Variants in PC observed in about 807,000 individuals in gnomAD.
PC encodes the protein pyruvate carboxylase, also known as pyruvate carboxylase, mitochondrial.
Under a neutral mutation model 107.8 loss-of-function variants are expected in PC, and 46 were observed. The observed-to-expected ratio is 0.43, with a 90% confidence interval of 0.34 to 0.55. PC has a LOEUF of 0.55. Ranked by LOEUF, PC falls within the 20% of genes least tolerant of loss-of-function variation. PC has a pLI of 0.04. For missense variants in PC, 1,241 were observed against 1,643.1 expected (o/e 0.76, Z 4.23); for synonymous variants, 662 against 684.7 (o/e 0.97, Z 0.52).
intron 3 of PC, among the ~76,000 whole-genome samples, chr11:66,925,258 C>T (rs948704275): frequency 3.3e-5 from 5 of 152,026 alleles, no homozygotes; most frequent in East Asian, 1.9e-4. Flanking sequence ...ATTTATTAGG[C>T]GGGAATTTCC....
intron 12 of PC, chr11:66,859,492 C>A (rs2135874851): frequency 6.8e-7 from 1 of 1,472,056 alleles, no homozygotes; most frequent in East Asian, 2.3e-5. Context: ...GCCACACTCT[C>A]CAGCCTGTTC....
At chr11:66,900,417 C>A (rs61634527) in intron 3 of PC, among the ~76,000 whole-genome samples, 8,059 of 152,180 alleles carry the variant, frequency 0.053, 277 homozygotes, top group Non-Finnish European at 0.078. Flanking sequence ...CCGCCTTGGC[C>A]TCCCAAAGTG....
chr11:66,859,146 C>T (rs890058412), intron 12 of PC: 17 of 1,470,252 alleles, frequency 1.2e-5, no homozygotes, highest in South Asian at 3.0e-5. Context: ...TTCCTCCGCC[C>T]TCTGCTCCCC....
intron 3 of PC, among the ~76,000 whole-genome samples, chr11:66,918,427 TG>T (rs960256793): frequency 1.1e-4 from 17 of 151,884 alleles, no homozygotes; most frequent in Admixed American, 2.6e-4. Flanking sequence ...CTCGCTCTAT[TG>T]CCCAGGCTGG....
In PC at chr11:66,851,292, A is replaced by T. The variant is rs1945474460; in HGVS notation, c.1983-12T>A. ...CCACTTCACAGAACCTGCAAGGGTG[A>T]GAGAGCCCAGGGCTGAGCCCCACCC... On this transcript the variant is annotated splice_polypyrimidine_tract_variant and intron_variant, in intron 16 of 22. Coordinates refer to ENST00000393960, the MANE Select transcript of PC (RefSeq NM_001040716.2). 5 of 1,599,874 alleles carry T rather than the reference A, an allele frequency of 3.1e-6. No homozygotes were observed. The highest frequency in any genetic ancestry group is 4.2e-6 in the Non-Finnish European group (5 of 1,179,932).
intron 3 of PC, among the ~76,000 whole-genome samples, chr11:66,925,675 A>G (rs1023044174): frequency 2.0e-5 from 3 of 152,196 alleles, no homozygotes; most frequent in South Asian, 2.1e-4. Flanking sequence ...TACAAAGATG[A>G]TAAGATTGAA....
Position 66,848,714 on chromosome 11 carries a change from C to A in PC, c.*185G>T. 1.4e-6 allele frequency: 1 copy of A among 698,232 alleles called. No individual in the cohort carries two copies. The highest frequency in any genetic ancestry group is 1.7e-5 in the South Asian group (1 of 58,526). The allele number at this position is 698,232 out of a possible 1,614,324, so 43.3% of individuals were successfully genotyped here. A position where few individuals can be genotyped will look rare whatever the true frequency, so the allele number is the denominator to read the frequency against. On this transcript the variant is annotated 3_prime_UTR_variant, in exon 23 of 23. Coordinates refer to ENST00000393960, the MANE Select transcript of PC (RefSeq NM_001040716.2). Reference sequence around the variant, plus strand: ...GATGAACATGTAAGCAGCTGTCCGCCGGAGGAAAGGACGATGGCTGAAAGG... The same window carrying A: ...GATGAACATGTAAGCAGCTGTCCGCAGGAGGAAAGGACGATGGCTGAAAGG...
rs556534486 is a variant in PC, at chr11:66,866,205, C to T, written c.1167G>A (p.Pro389=). The T allele has an allele frequency of 2.2e-4, 350 of 1,609,878 alleles. 3 individuals are homozygous for T. The South Asian group carries it at 2.9e-3, about 13-fold the overall frequency. The change falls in exon 11 of 23, where the codon CCG becomes CCA. Residue 389 remains proline (P), a synonymous_variant. Transcript: ENST00000393960. This position sits in a 1 kb window ranked among gnomAD's most constrained non-coding sequence, Gnocchi z 5.4. The part of the protein sequence containing the change: ...TTEDPARSFQ[P]DTGRIEVFRS... ...CGCCCACCTCAATGCGGCCGGTGTC[C>T]GGCTGGAAGCTGCGCGCGGGGTCCT...
intron 2 of PC, among the ~76,000 whole-genome samples, chr11:66,953,236 G>A (rs922960864): frequency 3.9e-5 from 6 of 152,150 alleles, no homozygotes; most frequent in East Asian, 1.9e-4. Context: ...CCTCAGGCCC[G>A]CTTTCTCTGC....
In PC at chr11:66,851,852, C is replaced by A; in HGVS notation, c.1920G>T (p.Gln640His). The A allele has an allele frequency of 6.2e-7, 1 of 1,614,146 alleles. No homozygotes were observed. The highest frequency in any genetic ancestry group is 8.5e-7 in the Non-Finnish European group (1 of 1,180,026). The change falls in exon 16 of 23, where the codon CAG (glutamine) becomes CAT (histidine). Residue 640 changes from glutamine to histidine, a missense_variant. Physicochemically the swap from Gln to His is conservative, Grantham distance 24 (BLOSUM62 0). Coordinates refer to ENST00000393960, the MANE Select transcript of PC (RefSeq NM_001040716.2). ...CAGCATTGGCCCCCCGCAGCAGCAT[C>A]TGGAAAGGGATGTTGGGGATGAGCT... ...LRELIPNIPF[Q>H]MLLRGANAVG... is the part of the protein sequence containing the mutation.
At chr11:66,876,008 A>C (rs1946963549) in intron 3 of PC, among the ~76,000 whole-genome samples, 1 of 152,048 alleles carries the variant, frequency 6.6e-6, no homozygotes, top group African/African-American at 2.4e-5. Context: ...ACTGGCTTGG[A>C]CTCTTCAAAC....
intron 3 of PC, among the ~76,000 whole-genome samples, chr11:66,931,641 C>G (rs1948856551): frequency 6.6e-6 from 1 of 151,780 alleles, no homozygotes. Context: ...TTTATTTGTG[C>G]TGACATCGGA....
rs1471896297 is a variant in PC at position 66,855,130 on chromosome 11, C to T, written c.1369-1747G>A. Among the ~76,000 whole-genome samples the T allele has an allele frequency of 4.6e-5, 7 of 152,230 alleles. No homozygotes were observed. The South Asian group carries it at 8.3e-4, about 18-fold the overall frequency. On this transcript the variant is annotated intron_variant, in intron 12 of 22. Coordinates refer to ENST00000393960, the MANE Select transcript of PC (RefSeq NM_001040716.2). ...ACAGACACACGCTGAAGGTCATAAC[C>T]GTTCTGCATCACCGAGTCATGTGGA...
intron 12 of PC, chr11:66,859,080 A>G: frequency 6.7e-7 from 1 of 1,484,040 alleles, no homozygotes; most frequent in Non-Finnish European, 9.0e-7. Context: ...CGAAGATGAG[A>G]CCCTCATCTA....
chr11:66,930,484 G>A (rs1948819694), intron 3 of PC, among the ~76,000 whole-genome samples: 1 of 152,204 alleles, frequency 6.6e-6, no homozygotes, highest in African/African-American at 2.4e-5. Context: ...GCTCATGCCT[G>A]TAATCCCAGC....
At position 66,924,672 on chromosome 11, in the gene PC, G is replaced by A. The variant is rs151017809; in HGVS notation, c.-1+27758C>T. Among the ~76,000 whole-genome samples the A allele has an allele frequency of 3.7e-4, 56 of 152,234 alleles. 1 individual carries two copies. In the East Asian group the frequency reaches 7.7e-3, roughly 21 times the overall value. ...GTCAGGGTTTCACCATGTTGCCCAGGCTGGTCTTGAACTCCTCAGCTCAAG... is the reference window on the plus strand; with the variant it reads ...GTCAGGGTTTCACCATGTTGCCCAGACTGGTCTTGAACTCCTCAGCTCAAG... On this transcript the variant is annotated intron_variant, in intron 3 of 22. Transcript: ENST00000393960.
intron 3 of PC, among the ~76,000 whole-genome samples, chr11:66,932,537 A>G (rs1948885863): frequency 6.6e-6 from 1 of 152,166 alleles, no homozygotes; most frequent in African/African-American, 2.4e-5. Flanking sequence ...TGGGACAAAA[A>G]TCTCGCAGAT....
At chr11:66,930,875 T>C (rs993595187) in intron 3 of PC, among the ~76,000 whole-genome samples, 1 of 151,410 alleles carries the variant, frequency 6.6e-6, no homozygotes, top group African/African-American at 2.4e-5. Context: ...ATTCATTCAA[T>C]GGAAAGCTCT....
chr11:66,938,754 T>G (rs1475731326), intron 3 of PC, among the ~76,000 whole-genome samples: 4 of 152,198 alleles, frequency 2.6e-5, no homozygotes, highest in Non-Finnish European at 4.4e-5. Flanking sequence ...CGTCCTATGG[T>G]AATAAATTTA....
Sources: allele counts gnomAD v4.1 joint callset (sites outside exome capture counted in the v4.1 genomes callset), GRCh38; gene constraint gnomAD v4.1.1; non-coding constraint Gnocchi (gnomAD v3.1); transcripts MANE v1.5; gene names NCBI Gene and HGNC (gene_info 2026-07-23, HGNC 2026-07-21).